Variants in CSMD1 observed in about 807,000 individuals in gnomAD.
The protein encoded by CSMD1 is CUB and sushi domain-containing protein 1.
Under a neutral mutation model 417.5 loss-of-function variants are expected in CSMD1, and 213 were observed. The ratio of observed to expected loss-of-function variants is 0.51; its 90% CI spans 0.46 to 0.57. The LOEUF is 0.57. Ranked by LOEUF, CSMD1 falls within the 20% of genes least tolerant of loss-of-function variation. The probability of loss-of-function intolerance (pLI) is 0.00; values close to 1 mark genes in which losing one functional copy is unlikely to be tolerated. For missense variants in CSMD1, 6,923 were observed against 4,529.7 expected (o/e 1.53, Z -15.17); for synonymous variants, 2,862 against 1,736.8 (o/e 1.65, Z -16.11).
At chr8:3,762,134 C>G (rs926809379) in intron 5 of CSMD1, among the ~76,000 whole-genome samples, 42 of 152,192 alleles carry the variant, frequency 2.8e-4, no homozygotes, top group African/African-American at 9.9e-4. Context: ...CCAGCCTCTT[C>G]AGGTGCACAT....
intron 7 of CSMD1, among the ~76,000 whole-genome samples, 167 bp from the exon 8 acceptor site, chr8:3,616,964 G>C (rs1025148744): frequency 1.4e-5 from 2 of 141,404 alleles, no homozygotes; most frequent in African/African-American, 2.6e-5. Flanking sequence ...TTTATATTCT[G>C]ATTGGTGAAA....
chr8:4,766,248 G>C (rs1418310997), intron 1 of CSMD1, among the ~76,000 whole-genome samples: 12 of 152,164 alleles, frequency 7.9e-5, no homozygotes, highest in East Asian at 1.9e-4. Context: ...ATGAGGTATG[G>C]AGTAGCAGAA....
intron 7 of CSMD1, among the ~76,000 whole-genome samples, chr8:3,696,548 G>T (rs147490578): frequency 3.9e-5 from 6 of 152,298 alleles, no homozygotes; most frequent in African/African-American, 1.4e-4. Context: ...GTAATTAAAT[G>T]ATCTAATTTA....
intron 11 of CSMD1, among the ~76,000 whole-genome samples, chr8:3,485,550 G>GAC (rs1036028862): frequency 1.3e-5 from 2 of 151,016 alleles, no homozygotes; most frequent in African/African-American, 4.9e-5. Context: ...GAGAGAGAGA[G>GAC]AGAGAGAGAG....
intron 1 of CSMD1, among the ~76,000 whole-genome samples, chr8:4,881,328 T>C (rs762161120): frequency 6.6e-6 from 1 of 152,066 alleles, no homozygotes; most frequent in Non-Finnish European, 1.5e-5. Context: ...TTTGAATACA[T>C]AATAACTAAT....
intron 1 of CSMD1, among the ~76,000 whole-genome samples, chr8:4,749,533 T>A (rs1323948179): frequency 6.6e-6 from 1 of 152,190 alleles, no homozygotes; most frequent in Non-Finnish European, 1.5e-5. Context: ...TTATTTTTAT[T>A]TTACTCTAGA....
At chr8:3,849,702 C>A (rs75039675) in intron 5 of CSMD1, among the ~76,000 whole-genome samples, 3,931 of 152,170 alleles carry the variant, frequency 0.026, 71 homozygotes, top group African/African-American at 0.055. Context: ...AAATCAGGAT[C>A]GGCACAGGAA....
intron 5 of CSMD1, among the ~76,000 whole-genome samples, chr8:3,917,183 G>T (rs149524457): frequency 1.3e-5 from 2 of 152,264 alleles, no homozygotes; most frequent in Admixed American, 6.5e-5. Flanking sequence ...AATATTTATG[G>T]AGCGCTTAAT....
intron 3 of CSMD1, among the ~76,000 whole-genome samples, chr8:4,189,996 C>A (rs931611125): frequency 6.6e-5 from 10 of 151,556 alleles, no homozygotes; most frequent in African/African-American, 2.2e-4. Flanking sequence ...TGGTGGCTCA[C>A]GCCTGAAATC....
chr8:4,155,643 A>T (rs1274150248), intron 3 of CSMD1, among the ~76,000 whole-genome samples: 1 of 152,154 alleles, frequency 6.6e-6, no homozygotes, highest in East Asian at 1.9e-4. Flanking sequence ...TTAGCTGATG[A>T]CATAATACAC....
chr8:4,424,267 G>A (rs1359653131), intron 2 of CSMD1, among the ~76,000 whole-genome samples: 1 of 151,942 alleles, frequency 6.6e-6, no homozygotes, highest in African/African-American at 2.4e-5. Context: ...TGCAGACTGG[G>A]AAAACACATT....
intron 11 of CSMD1, among the ~76,000 whole-genome samples, chr8:3,493,313 G>A (rs12676488): frequency 0.1 from 8,398 of 81,804 alleles, 517 homozygotes; most frequent in East Asian, 0.35. Context: ...AAAAAAAAAA[G>A]GGGGGGCGGA....
At chr8:4,277,282 G>C (rs1796541195) in intron 3 of CSMD1, among the ~76,000 whole-genome samples, 1 of 151,966 alleles carries the variant, frequency 6.6e-6, no homozygotes, top group Non-Finnish European at 1.5e-5. Flanking sequence ...GTTGTATTCT[G>C]AATAAATAAG....
At chr8:3,518,361 A>C (rs553246588) in intron 10 of CSMD1, among the ~76,000 whole-genome samples, 3 of 152,226 alleles carry the variant, frequency 2.0e-5, no homozygotes, top group Admixed American at 2.0e-4. Flanking sequence ...ACATCATATA[A>C]GAAACAACCA....
intron 1 of CSMD1, among the ~76,000 whole-genome samples, chr8:4,851,558 G>C (rs1801484380): frequency 6.6e-6 from 1 of 151,966 alleles, no homozygotes. Context: ...CATAGGTTCA[G>C]AACCTATGAC....
At chr8:4,259,521 C>T (rs1336033020) in intron 3 of CSMD1, among the ~76,000 whole-genome samples, 1 of 125,042 alleles carries the variant, frequency 8.0e-6, no homozygotes, top group African/African-American at 2.7e-5. Context: ...CAACAAAGTT[C>T]GAGTTTTTAA....
chr8:3,480,611 C>G (rs1817687294), intron 11 of CSMD1, among the ~76,000 whole-genome samples: 1 of 151,988 alleles, frequency 6.6e-6, no homozygotes, highest in Non-Finnish European at 1.5e-5. Context: ...CAAAAATAAA[C>G]CTAAACAAAT....
intron 10 of CSMD1, among the ~76,000 whole-genome samples, chr8:3,566,492 C>G (rs1401874001): frequency 6.6e-6 from 1 of 151,998 alleles, no homozygotes; most frequent in Non-Finnish European, 1.5e-5. Flanking sequence ...TCCTGGTGTG[C>G]TGTCAGTGTG....
At chr8:4,638,216 C>T (rs565137244) in intron 1 of CSMD1, among the ~76,000 whole-genome samples, 1 of 152,114 alleles carries the variant, frequency 6.6e-6, no homozygotes, top group Non-Finnish European at 1.5e-5. Context: ...GCTTAAAACA[C>T]TCCACCCTAA....
Sources: gnomAD v4.1 joint callset for allele counts (sites outside exome capture counted in the v4.1 genomes callset) on GRCh38, gnomAD v4.1.1 for gene constraint, MANE v1.5 for transcripts, NCBI Gene and HGNC (gene_info 2026-07-23, HGNC 2026-07-21) for gene names.